Variants in LURAP1 observed in about 807,000 individuals in gnomAD.
LURAP1 encodes leucine rich adaptor protein 1.
LURAP1 carries 14 observed loss-of-function variants against 19.0 expected under a neutral mutation model. The observed-to-expected ratio is 0.74, with a 90% CI of 0.49 to 1.15. The LOEUF (loss-of-function observed/expected upper bound fraction) is 1.15. Among genes scored for constraint, LURAP1 ranks in the 50% most tolerant of loss-of-function variants. The probability of loss-of-function intolerance (pLI) is 0.00; values close to 1 mark genes in which losing one functional copy is unlikely to be tolerated. For missense variants in LURAP1, 273 were observed against 309.1 expected, an observed-to-expected ratio of 0.88 and a Z score of 0.87; for synonymous variants, 129 against 131.8, an observed-to-expected ratio of 0.98 and a Z score of 0.14.
At chr1:46,219,662 C>T (rs769875005) in intron 1 of LURAP1, 37 bp from the exon 2 acceptor site, 27 of 1,535,282 alleles carry the variant, frequency 1.8e-5, no homozygotes, top group Non-Finnish European at 2.3e-5. Flanking sequence ...AACCCATGCC[C>T]CAGAACTGGG....
intron 1 of LURAP1, among the ~76,000 whole-genome samples, chr1:46,219,045 C>A (rs992868150): frequency 6.6e-6 from 1 of 152,080 alleles, no homozygotes; most frequent in Non-Finnish European, 1.5e-5. Context: ...GCCTGTAATT[C>A]CAGCACTTTG....
chr1:46,209,134 C>T (rs931984601), intron 1 of LURAP1, among the ~76,000 whole-genome samples: 1 of 151,976 alleles, frequency 6.6e-6, no homozygotes, highest in African/African-American at 2.4e-5. Flanking sequence ...AAGCAATTCT[C>T]CTGCCTCAGC....
At chr1:46,207,836 C>G (rs1658767341) in intron 1 of LURAP1, among the ~76,000 whole-genome samples, 1 of 151,642 alleles carries the variant, frequency 6.6e-6, no homozygotes, top group Non-Finnish European at 1.5e-5. Context: ...CTGCACCTGG[C>G]CTGAACTTTT....
chr1:46,211,907 G>A (rs752647750), intron 1 of LURAP1, among the ~76,000 whole-genome samples: 6 of 152,058 alleles, frequency 3.9e-5, no homozygotes, highest in Non-Finnish European at 8.8e-5. Context: ...GCTTACAGGC[G>A]TGCGCCACAA....
At chr1:46,210,264 C>CTG (rs558204802) in intron 1 of LURAP1, among the ~76,000 whole-genome samples, 99 of 152,120 alleles carry the variant, frequency 6.5e-4, no homozygotes, top group African/African-American at 2.2e-3. Flanking sequence ...AAACCCTAAA[C>CTG]TGTGTGTGTG....
At chr1:46,216,500 C>A (rs768150574) in intron 1 of LURAP1, among the ~76,000 whole-genome samples, 1 of 152,058 alleles carries the variant, frequency 6.6e-6, no homozygotes, top group Non-Finnish European at 1.5e-5. Flanking sequence ...TACCACCACA[C>A]CTGACTAATT....
Position 46,208,252 on chromosome 1 carries a change from C to T in LURAP1, c.198+4628C>T, listed in dbSNP as rs12029268. Among the ~76,000 whole-genome samples the T allele has an allele frequency of 7.6e-4, 115 of 152,210 alleles. 2 individuals are homozygous for T. The East Asian group carries it at 0.019, about 25-fold the overall frequency. On this transcript the variant is annotated intron_variant, in intron 1 of 1. Coordinates refer to ENST00000371980, the MANE Select transcript of LURAP1 (RefSeq NM_001013615.3). ...AAGCAGTCCGTTTGTGTCAGCCTCC[C>T]GAAGTTCTGGGATTGCAGGCTGAGC... is the stretch of plus-strand genomic sequence containing the variant.
At chr1:46,203,682 C>T (rs775802245) in intron 1 of LURAP1, 58 bp downstream of exon 1, 28 of 1,506,352 alleles carry the variant, frequency 1.9e-5, no homozygotes, top group Non-Finnish European at 2.4e-5. Context: ...CCGGGAGGGA[C>T]GAACTCATGC....
At chr1:46,203,661 C>T in intron 1 of LURAP1, 37 bp downstream of exon 1, 1 of 1,582,312 alleles carries the variant, frequency 6.3e-7, no homozygotes, top group Non-Finnish European at 8.6e-7. Flanking sequence ...GGACGAGTCC[C>T]TAGTGTAGGG....
At chr1:46,217,353 C>T (rs1215836925) in intron 1 of LURAP1, among the ~76,000 whole-genome samples, 1 of 152,042 alleles carries the variant, frequency 6.6e-6, no homozygotes, top group African/African-American at 2.4e-5. Context: ...CTGATAACTA[C>T]ATAGCAAACT....
intron 1 of LURAP1, among the ~76,000 whole-genome samples, chr1:46,211,600 C>A (rs989103221): frequency 5.9e-5 from 9 of 152,076 alleles, no homozygotes; most frequent in African/African-American, 2.2e-4. Context: ...TTAATATGTT[C>A]CTTCGATGTC....
chr1:46,203,393 C>T lies in LURAP1; in HGVS notation c.-34C>T. 7.0e-7 allele frequency: 1 copy of T among 1,432,468 alleles called. No individual in the cohort carries two copies. The allele number at this position is 1,432,468 out of a possible 1,614,324, so 88.7% of individuals were successfully genotyped here. On this transcript the variant is annotated 5_prime_UTR_variant, in exon 1 of 2. Coordinates refer to ENST00000371980, the MANE Select transcript of LURAP1 (RefSeq NM_001013615.3). Reference sequence around the variant, plus strand: ...ACCCCCGGGAGCCGGTCCCCGGCGTCCGGTCGCCCAGCCCTTTTCAGGCTT... The same window carrying T: ...ACCCCCGGGAGCCGGTCCCCGGCGTTCGGTCGCCCAGCCCTTTTCAGGCTT...
intron 1 of LURAP1, among the ~76,000 whole-genome samples, chr1:46,207,936 C>T (rs995236083): frequency 5.3e-5 from 8 of 151,930 alleles, no homozygotes; most frequent in African/African-American, 1.9e-4. Flanking sequence ...GGCGTGATCT[C>T]GGCTCACTGC....
rs774247610 is a variant in LURAP1 at position 46,219,875 on chromosome 1, C to T, written c.375C>T (p.Gly125=). The T allele has an allele frequency of 6.2e-7, 1 of 1,613,758 alleles. No individual in the cohort carries two copies. The highest frequency in any genetic ancestry group is 8.5e-7 in the Non-Finnish European group (1 of 1,179,790). ...TGGSPGRSRR[G]SWDSLPDTST... is the part of the protein sequence containing the mutation. ...GGAGCCCAGGCCGCTCAAGGCGAGGCAGCTGGGACAGCCTGCCAGACACCA... is the reference window on the plus strand; with the variant it reads ...GGAGCCCAGGCCGCTCAAGGCGAGGTAGCTGGGACAGCCTGCCAGACACCA... The change falls in exon 2 of 2, where the codon GGC becomes GGT. Residue 125 remains glycine (G), a synonymous_variant. Coordinates refer to ENST00000371980, the MANE Select transcript of LURAP1 (RefSeq NM_001013615.3).
chr1:46,212,360 A>AATG (rs1203938049), intron 1 of LURAP1, among the ~76,000 whole-genome samples: 2 of 151,092 alleles, frequency 1.3e-5, no homozygotes, highest in Non-Finnish European at 2.9e-5. Context: ...AGCTCACTGC[A>AATG]AGCTCCGCCT....
chr1:46,205,979 C>A (rs1376122196), intron 1 of LURAP1, among the ~76,000 whole-genome samples: 1 of 152,236 alleles, frequency 6.6e-6, no homozygotes, highest in Non-Finnish European at 1.5e-5. Context: ...CAAGGTCAGT[C>A]CTGCCTCTAG....
At chr1:46,210,669 A>G (rs1421965203) in intron 1 of LURAP1, among the ~76,000 whole-genome samples, 2 of 152,174 alleles carry the variant, frequency 1.3e-5, no homozygotes, top group Non-Finnish European at 2.9e-5. Context: ...GAAGAGATGC[A>G]TGGGGCAAGG....
chr1:46,219,601 GA>G, intron 1 of LURAP1, 97 bp from the exon 2 acceptor site: 1 of 1,328,016 alleles, frequency 7.5e-7, no homozygotes, highest in Non-Finnish European at 1.0e-6. Context: ...GTCTTAAAGT[GA>G]AACATGGTTG....
chr1:46,210,706 G>C (rs1156864549), intron 1 of LURAP1, among the ~76,000 whole-genome samples: 1 of 152,172 alleles, frequency 6.6e-6, no homozygotes, highest in African/African-American at 2.4e-5. Context: ...CGGAACTTCT[G>C]TGCTCTCCCT....
Sources: allele counts gnomAD v4.1 joint callset (sites outside exome capture counted in the v4.1 genomes callset), GRCh38; gene constraint gnomAD v4.1.1; transcripts MANE v1.5; gene names NCBI Gene and HGNC (gene_info 2026-07-23, HGNC 2026-07-21).